Variants in TGFBR2 observed in about 807,000 individuals in gnomAD.
The protein encoded by TGFBR2 is transforming growth factor beta receptor 2, also known as TGF-beta receptor type-2.
A neutral mutation model predicts 49.0 loss-of-function variants in TGFBR2; 18 were observed. The ratio of observed to expected loss-of-function variants is 0.37; its 90% CI spans 0.25 to 0.54. The LOEUF is 0.54. TGFBR2 is among the 20% of genes least tolerant of loss of function. The probability of loss-of-function intolerance (pLI) is 0.85; values close to 1 mark genes in which losing one functional copy is unlikely to be tolerated. For missense variants in TGFBR2, 525 were observed against 722.6 expected, an observed-to-expected ratio of 0.73 and a Z score of 3.13; for synonymous variants, 282 against 275.9, an observed-to-expected ratio of 1.02 and a Z score of -0.22.
chr3:30,670,955 C>A (rs1487150793), intron 3 of TGFBR2, among the ~76,000 whole-genome samples: 1 of 152,192 alleles, frequency 6.6e-6, no homozygotes, highest in Non-Finnish European at 1.5e-5. Flanking sequence ...CCCAGGGTAG[C>A]CTGAATGCTG....
intron 3 of TGFBR2, among the ~76,000 whole-genome samples, chr3:30,666,650 G>A (rs540275493): frequency 6.9e-3 from 99 of 14,254 alleles, no homozygotes; most frequent in Non-Finnish European, 0.012. Flanking sequence ...ATCCCCGCCC[G>A]CACAAACACA....
chr3:30,653,704 T>A (rs1377808517), intron 3 of TGFBR2, among the ~76,000 whole-genome samples: 1 of 152,228 alleles, frequency 6.6e-6, no homozygotes, highest in Non-Finnish European at 1.5e-5. Flanking sequence ...ATGATAATTA[T>A]GTACATCTAC....
At chr3:30,663,690 C>T (rs1378881780) in intron 3 of TGFBR2, among the ~76,000 whole-genome samples, 2 of 151,974 alleles carry the variant, frequency 1.3e-5, no homozygotes, top group Non-Finnish European at 2.9e-5. Flanking sequence ...GAGGGATCTC[C>T]GATTGAGTTG....
chr3:30,678,540 T>C (rs1352520149), intron 5 of TGFBR2, among the ~76,000 whole-genome samples: 3 of 93,904 alleles, frequency 3.2e-5, no homozygotes, highest in African/African-American at 1.3e-4. Flanking sequence ...AGAGCAAGAC[T>C]GCGTCTAAAA....
chr3:30,637,440 T>C (rs1698559005), intron 1 of TGFBR2, among the ~76,000 whole-genome samples: 1 of 152,186 alleles, frequency 6.6e-6, no homozygotes, highest in Admixed American at 6.5e-5. Flanking sequence ...GTGCTCCTCA[T>C]TGCTTCCCTT....
intron 3 of TGFBR2, among the ~76,000 whole-genome samples, chr3:30,651,753 T>G (rs373299267): frequency 6.6e-6 from 1 of 152,230 alleles, no homozygotes. Context: ...TATTTTAAAT[T>G]TGAATAAGCA....
intron 1 of TGFBR2, among the ~76,000 whole-genome samples, chr3:30,621,499 T>A (rs1170504334): frequency 1.3e-5 from 2 of 152,122 alleles, no homozygotes; most frequent in African/African-American, 4.8e-5. Context: ...CATGCTGCTC[T>A]TGAACTTCTG....
rs11466531 is a variant in TGFBR2, at chr3:30,692,346, C to G, written c.*747C>G. On this transcript the variant is annotated 3_prime_UTR_variant, in exon 7 of 7. Transcript: ENST00000295754. ...CTGGGGGGCTAGTTTAGAAACTCTCCCTCAACCTAGTTTAGAAACTCTACC... is the reference window on the plus strand; with the variant it reads ...CTGGGGGGCTAGTTTAGAAACTCTCGCTCAACCTAGTTTAGAAACTCTACC... 20,016 of 230,126 alleles carry G rather than the reference C, an allele frequency of 0.087. 1,414 individuals are homozygous for G. Among genetic ancestry groups the G allele is most frequent in the African/African-American group, 0.2 (9,107 of 45,158 alleles). The allele number at this position is 230,126 out of a possible 1,614,324, so 14.3% of individuals were successfully genotyped here. A position where few individuals can be genotyped will look rare whatever the true frequency, so the allele number is the denominator to read the frequency against.
chr3:30,666,622 C>T (rs1699247760), intron 3 of TGFBR2, among the ~76,000 whole-genome samples: 2 of 145,682 alleles, frequency 1.4e-5, no homozygotes, highest in South Asian at 2.2e-4. Context: ...TCCCCTCCCC[C>T]GCAACCCCTA....
At chr3:30,664,060 C>T (rs1699197904) in intron 3 of TGFBR2, among the ~76,000 whole-genome samples, 1 of 152,002 alleles carries the variant, frequency 6.6e-6, no homozygotes, top group African/African-American at 2.4e-5. Flanking sequence ...TTATAGCTCA[C>T]TGCAGTCTTG....
At chr3:30,668,598 T>G (rs1441317323) in intron 3 of TGFBR2, among the ~76,000 whole-genome samples, 2 of 152,184 alleles carry the variant, frequency 1.3e-5, no homozygotes, top group Non-Finnish European at 2.9e-5. Context: ...TTCTTTTGCA[T>G]TCAATCATTC....
chr3:30,631,595 G>A (rs1698437153), intron 1 of TGFBR2, among the ~76,000 whole-genome samples: 1 of 147,208 alleles, frequency 6.8e-6, no homozygotes, highest in South Asian at 2.2e-4. Flanking sequence ...CTTTCTAGAA[G>A]CCTTAACAAT....
intron 1 of TGFBR2, among the ~76,000 whole-genome samples, chr3:30,608,554 T>G (rs1368983351): frequency 6.6e-6 from 1 of 152,168 alleles, no homozygotes; most frequent in Non-Finnish European, 1.5e-5. Context: ...ATGGGCAGAT[T>G]TACCTTTAGG....
intron 5 of TGFBR2, among the ~76,000 whole-genome samples, chr3:30,684,779 CTGTT>C (rs1699595976): frequency 6.6e-6 from 1 of 152,288 alleles, no homozygotes; most frequent in Non-Finnish European, 1.5e-5. Context: ...ATTTATAAGT[CTGTT>C]TGTTTTGGGA....
chr3:30,618,840 C>T (rs1254843340), intron 1 of TGFBR2, among the ~76,000 whole-genome samples: 1 of 152,146 alleles, frequency 6.6e-6, no homozygotes, highest in Admixed American at 6.5e-5. Flanking sequence ...AATTGCTCAA[C>T]ATTTGTTTTA....
At position 30,625,106 on chromosome 3, in the gene TGFBR2, C is replaced by T. The variant is rs140774552; in HGVS notation, c.94+18129C>T. 2.0e-5 allele frequency among the ~76,000 whole-genome samples: 3 copies of T among 152,258 alleles called. No homozygotes were observed. In the East Asian group the frequency reaches 5.8e-4, roughly 29 times the overall value. ...AATTCTTTAAAAACTGTAATTTTTA[C>T]ATACTGATTCCTGTTAAGGCAGATG... On this transcript the variant is annotated intron_variant, in intron 1 of 6. Transcript: ENST00000295754.
Position 30,606,941 on chromosome 3 carries a change from A to G in TGFBR2, c.58A>G (p.Ile20Val), listed in dbSNP as rs1697933766. The stretch of plus-strand genomic sequence containing the variant: ...GCTGCACATCGTCCTGTGGACGCGT[A>G]TCGCCAGCACGATCCCACCGCACGT... ...WPLHIVLWTR[I>V]ASTIPPHVQK... The change falls in exon 1 of 7, where the codon ATC (isoleucine) becomes GTC (valine). Residue 20 changes from isoleucine (I) to valine (V), a missense_variant. This residue lies in a region of TGFBR2 where 376 missense variants were observed against 478.2 expected (regional missense o/e 0.79). Coordinates refer to ENST00000295754, the MANE Select transcript of TGFBR2 (RefSeq NM_003242.6). 1 of 1,602,748 alleles carries G rather than the reference A, an allele frequency of 6.2e-7. No homozygotes were observed. Among genetic ancestry groups the G allele is most frequent in the Non-Finnish European group, 8.5e-7 (1 of 1,174,894 alleles).
At chr3:30,636,311 A>C (rs992198366) in intron 1 of TGFBR2, among the ~76,000 whole-genome samples, 1 of 152,104 alleles carries the variant, frequency 6.6e-6, no homozygotes, top group Admixed American at 6.5e-5. Context: ...GTCATTCTTG[A>C]CAGGTTTTAA....
chr3:30,638,791 C>T (rs1191280020), intron 1 of TGFBR2, among the ~76,000 whole-genome samples: 1 of 152,108 alleles, frequency 6.6e-6, no homozygotes, highest in Non-Finnish European at 1.5e-5. Context: ...GATTGCTTGA[C>T]TTTCTTCTTT....
Sources: allele counts gnomAD v4.1 joint callset (sites outside exome capture counted in the v4.1 genomes callset), GRCh38; gene constraint gnomAD v4.1.1; regional missense constraint gnomAD v4.1.1; transcripts MANE v1.5; gene names NCBI Gene and HGNC (gene_info 2026-07-23, HGNC 2026-07-21).